The following MYH16 variants were observed in gnomAD, a reference collection of about 807,000 sequenced individuals.
MYH16 encodes putative uncharacterized protein MYH16.
intron 36 of MYH16, 94 bp downstream of exon 17, chr7:99,298,089 C>T (rs916804938): frequency 1.4e-5 from 6 of 418,138 alleles, no homozygotes; most frequent in South Asian, 3.4e-5. Flanking sequence ...AGTCGCGTGA[C>T]GTTGGGCAAT....
intron 30 of MYH16, chr7:99,291,013 C>T (rs1792365642): frequency 6.0e-6 from 1 of 166,968 alleles, no homozygotes; most frequent in Non-Finnish European, 1.3e-5. Flanking sequence ...AAAGGAAATA[C>T]TGTGTCCCAC....
At chr7:99,273,799 A>G (rs1281068761) in intron 20 of MYH16, among the ~76,000 whole-genome samples, 2 of 151,118 alleles carry the variant, frequency 1.3e-5, no homozygotes, top group Non-Finnish European at 3.0e-5. Flanking sequence ...AAAGGAAGGG[A>G]GAGAGGAAAG....
intron 12 of MYH16, chr7:99,260,440 C>G (rs1206364742): frequency 1.9e-6 from 1 of 536,186 alleles, no homozygotes; most frequent in Non-Finnish European, 3.5e-6. Flanking sequence ...AGTGACACCA[C>G]CAGTGACCTT....
intron 33 of MYH16, among the ~76,000 whole-genome samples, chr7:99,295,438 A>G (rs1792469239): frequency 6.6e-6 from 1 of 152,068 alleles, no homozygotes. Flanking sequence ...CTCTTACACA[A>G]ACTACATCCC....
chr7:99,268,378 CAA>C (rs1792013440), intron 18 of MYH16, among the ~76,000 whole-genome samples: 1 of 152,162 alleles, frequency 6.6e-6, no homozygotes, highest in African/African-American at 2.4e-5. Flanking sequence ...GTGGCATGCC[CAA>C]CTTCACAGAA....
intron 36 of MYH16, among the ~76,000 whole-genome samples, chr7:99,299,039 C>T (rs921694326): frequency 6.9e-6 from 1 of 144,608 alleles, no homozygotes; most frequent in African/African-American, 2.6e-5. Context: ...TCAGCCTGGG[C>T]AACATAGCAA....
At chr7:99,250,465 G>C (rs1036743878) in intron 5 of MYH16, among the ~76,000 whole-genome samples, 1 of 152,228 alleles carries the variant, frequency 6.6e-6, no homozygotes, top group African/African-American at 2.4e-5. Flanking sequence ...CAGCGGCCAG[G>C]CGCAGTGGCT....
chr7:99,306,125 G>A (rs1792675114), intron 41 of MYH16, 89 bp downstream of exon 22: 1 of 152,418 alleles, frequency 6.6e-6, no homozygotes, highest in South Asian at 2.1e-4. Context: ...TAACCACAGG[G>A]AAAGAAGCAA....
intron 2 of MYH16, among the ~76,000 whole-genome samples, chr7:99,244,728 G>A (rs1332014829): frequency 6.6e-6 from 1 of 152,210 alleles, no homozygotes; most frequent in East Asian, 1.9e-4. Flanking sequence ...AGTTAGCAGG[G>A]CATCCTTGAA....
At chr7:99,292,601 C>T (rs1447382062) in intron 32 of MYH16, 93 bp downstream of exon 13, 2 of 410,732 alleles carry the variant, frequency 4.9e-6, no homozygotes, top group South Asian at 1.7e-5. Context: ...GAGGCCAGGG[C>T]CAAGCCCAGG....
At chr7:99,285,028 C>T (rs1792259142) in intron 26 of MYH16, 93 bp downstream of exon 8, 1 of 446,364 alleles carries the variant, frequency 2.2e-6, no homozygotes, top group Non-Finnish European at 4.5e-6. Context: ...CTGAGGTTTC[C>T]TGAGGAGCAA....
chr7:99,290,440 T>C (rs1470427995), intron 30 of MYH16, among the ~76,000 whole-genome samples: 1 of 149,160 alleles, frequency 6.7e-6, no homozygotes. Context: ...TGAGTTATGA[T>C]TGTGCCACTG....
At chr7:99,272,025 G>A (rs1261003471) in intron 19 of MYH16, among the ~76,000 whole-genome samples, 2 of 152,160 alleles carry the variant, frequency 1.3e-5, no homozygotes, top group Non-Finnish European at 2.9e-5. Flanking sequence ...ATGGACACCA[G>A]TCATTGAATT....
At chr7:99,273,174 G>A (rs1320389685) in intron 19 of MYH16, among the ~76,000 whole-genome samples, 97 bp downstream of exon 1, 1 of 152,170 alleles carries the variant, frequency 6.6e-6, no homozygotes, top group Non-Finnish European at 1.5e-5. Flanking sequence ...CCCAACGTGA[G>A]TCTCCCTGCC....
chr7:99,258,981 G>T (rs117719437), intron 11 of MYH16, among the ~76,000 whole-genome samples: 2 of 152,120 alleles, frequency 1.3e-5, no homozygotes, highest in Non-Finnish European at 2.9e-5. Flanking sequence ...AAGGGGAAGC[G>T]GGCACATCTT....
At chr7:99,283,793 C>T (rs1001969702) in intron 24 of MYH16, 80 bp from the exon 7 acceptor site, 4 of 429,984 alleles carry the variant, frequency 9.3e-6, no homozygotes, top group Non-Finnish European at 1.9e-5. Flanking sequence ...GCTAAAGGAT[C>T]GGACCCAGTC....
intron 18 of MYH16, among the ~76,000 whole-genome samples, chr7:99,268,461 G>T (rs948246138): frequency 1.3e-5 from 2 of 152,236 alleles, no homozygotes; most frequent in Non-Finnish European, 2.9e-5. Context: ...GCCGGAGCTG[G>T]TATCTCAGAA....
chr7:99,275,289 G>A (rs548619011), intron 20 of MYH16, among the ~76,000 whole-genome samples: 5 of 151,932 alleles, frequency 3.3e-5, no homozygotes, highest in South Asian at 2.1e-4. Flanking sequence ...CACAGCGCCC[G>A]CCCAGCTCAT....
intron 3 of MYH16, among the ~76,000 whole-genome samples, chr7:99,248,394 G>T (rs1390398074): frequency 1.3e-5 from 2 of 152,022 alleles, no homozygotes; most frequent in Non-Finnish European, 2.9e-5. Context: ...GAGCCACTGC[G>T]CCCAGTCATG....
Sources: allele counts gnomAD v4.1 joint callset (sites outside exome capture counted in the v4.1 genomes callset), GRCh38; gene constraint gnomAD v4.1.1; transcripts MANE v1.5; gene names NCBI Gene and HGNC (gene_info 2026-07-23, HGNC 2026-07-21).